TNR: variants seen among roughly 807,000 people sequenced by gnomAD.
TNR encodes tenascin R, also known as tenascin-R.
Under a neutral mutation model 150.4 loss-of-function variants are expected in TNR, and 45 were observed. The ratio of observed to expected loss-of-function variants is 0.30; its 90% CI spans 0.24 to 0.38. TNR has a LOEUF of 0.38. Among genes scored for constraint, TNR ranks in the 10% least tolerant of loss-of-function variants. The pLI is 1.00. For synonymous variants in TNR, 687 were observed against 678.4 expected, an observed-to-expected ratio of 1.01 and a Z score of -0.20; for missense variants, 1,544 against 1,759.1, an observed-to-expected ratio of 0.88 and a Z score of 2.19.
chr1:175,413,948 C>T (rs77887928), intron 2 of TNR, among the ~76,000 whole-genome samples: 3,856 of 152,192 alleles, frequency 0.025, 147 homozygotes, highest in African/African-American at 0.087. Context: ...GCCTGGGCAA[C>T]ATGGCGAAAC....
At chr1:175,417,181 G>A (rs774451966) in intron 2 of TNR, among the ~76,000 whole-genome samples, 4 of 152,284 alleles carry the variant, frequency 2.6e-5, no homozygotes, top group Middle Eastern at 6.8e-3. Context: ...CCATTTTTAT[G>A]TATTGAATTA....
intron 20 of TNR, among the ~76,000 whole-genome samples, chr1:175,333,119 G>A (rs1650031101): frequency 6.6e-6 from 1 of 152,078 alleles, no homozygotes; most frequent in Non-Finnish European, 1.5e-5. Flanking sequence ...CAACAGGCTT[G>A]GAGTCCCTGT....
intron 1 of TNR, among the ~76,000 whole-genome samples, chr1:175,554,253 A>C (rs868308544): frequency 6.6e-6 from 1 of 150,844 alleles, no homozygotes; most frequent in South Asian, 2.1e-4. Context: ...TGGCACTCCT[A>C]TCTCTAAACT....
At chr1:175,589,779 T>A (rs1035361306) in intron 1 of TNR, among the ~76,000 whole-genome samples, 9 of 151,638 alleles carry the variant, frequency 5.9e-5, no homozygotes, top group African/African-American at 2.2e-4. Context: ...TTCTCACTCA[T>A]AAGCGGGAGT....
chr1:175,342,745 GA>G (rs1488953326), intron 18 of TNR, among the ~76,000 whole-genome samples: 1 of 152,224 alleles, frequency 6.6e-6, no homozygotes, highest in Non-Finnish European at 1.5e-5. Flanking sequence ...AGTTCCGGAA[GA>G]AGGTCATCAG....
At chr1:175,740,810 G>C (rs1380156803) in intron 1 of TNR, among the ~76,000 whole-genome samples, 1 of 152,182 alleles carries the variant, frequency 6.6e-6, no homozygotes, top group Admixed American at 6.5e-5. Context: ...ACTCAATGAA[G>C]GTGGTCCCAG....
In TNR at chr1:175,365,914, G is replaced by A. The variant is rs757557295; in HGVS notation, c.2278C>T (p.Arg760Trp). 16 of 1,613,954 alleles carry A rather than the reference G, an allele frequency of 9.9e-6. No homozygotes were observed. The highest frequency in any genetic ancestry group is 1.7e-5 in the Admixed American group (1 of 59,998). ...ACAGTGGACTCCAAGCTCTGCTGCC[G>A]ACCCCTCTCAGCAGTGACGGAAATG... is the stretch of plus-strand genomic sequence containing the variant. ...YIISVTAERG[R>W]QQSLESTVDA... Residue 760 changes from arginine to tryptophan, a missense_variant, in exon 11 of 23, where the codon CGG (arginine) becomes TGG (tryptophan). Arg to Trp is a moderately radical substitution (Grantham distance 101). Around this residue, in one of 2 missense-constraint regions of TNR, gnomAD observed 1,254 missense variants for 1,329.4 expected, o/e 0.94. Coordinates refer to ENST00000367674, the MANE Select transcript of TNR (RefSeq NM_003285.3).
At chr1:175,653,643 T>C (rs1665071168) in intron 1 of TNR, among the ~76,000 whole-genome samples, 1 of 152,192 alleles carries the variant, frequency 6.6e-6, no homozygotes, top group African/African-American at 2.4e-5. Context: ...ACTTTCTGTA[T>C]CTTGAGTTTA....
At chr1:175,573,600 C>T (rs577688792) in intron 1 of TNR, among the ~76,000 whole-genome samples, 7 of 152,024 alleles carry the variant, frequency 4.6e-5, no homozygotes, top group South Asian at 4.1e-4. Flanking sequence ...GTGGGATTAA[C>T]GACTGTACAG....
At chr1:175,704,480 GGTAGATATTCT>G (rs1415601550) in intron 1 of TNR, among the ~76,000 whole-genome samples, 6 of 152,144 alleles carry the variant, frequency 3.9e-5, no homozygotes, top group Non-Finnish European at 7.4e-5. Context: ...AACAAAATTA[GGTAGATATTCT>G]GTGTGAAGTC....
At chr1:175,725,161 A>G (rs1667445088) in intron 1 of TNR, among the ~76,000 whole-genome samples, 1 of 152,202 alleles carries the variant, frequency 6.6e-6, no homozygotes, top group African/African-American at 2.4e-5. Context: ...GAAAAAAGCA[A>G]CAGGCCCCTT....
At chr1:175,338,224 C>G (rs775788658) in intron 18 of TNR, among the ~76,000 whole-genome samples, 1 of 152,198 alleles carries the variant, frequency 6.6e-6, no homozygotes, top group Admixed American at 6.5e-5. Flanking sequence ...GATGAATTAT[C>G]TATTCCTTGT....
intron 1 of TNR, among the ~76,000 whole-genome samples, chr1:175,635,802 A>G (rs73033344): frequency 0.023 from 3,539 of 152,292 alleles, 126 homozygotes; most frequent in African/African-American, 0.078. Flanking sequence ...CACAGATTAC[A>G]GAGAAGAGAG....
Position 175,322,059 on chromosome 1 carries a change from A to G in TNR, c.*1298T>C, listed in dbSNP as rs1159820860. On this transcript the variant is annotated 3_prime_UTR_variant, in exon 23 of 23. Coordinates refer to ENST00000367674, the MANE Select transcript of TNR (RefSeq NM_003285.3). ...GAATCTGTGACAAATAGGACCAGAA[A>G]TGGAGAAAACAGGGCTAGGGAAGAT... The G allele has an allele frequency of 6.6e-6, 1 of 152,238 alleles. No homozygotes were observed. The highest frequency in any genetic ancestry group is 1.5e-5 in the Non-Finnish European group (1 of 68,050). The allele number at this position is 152,238 out of a possible 1,614,324, so 9.4% of individuals were successfully genotyped here.
At chr1:175,563,144 T>A (rs1194246299) in intron 1 of TNR, among the ~76,000 whole-genome samples, 1 of 152,230 alleles carries the variant, frequency 6.6e-6, no homozygotes, top group African/African-American at 2.4e-5. Flanking sequence ...ACATCTGACA[T>A]GGTTCTCTCT....
chr1:175,472,316 G>C (rs1033189773), intron 2 of TNR, among the ~76,000 whole-genome samples: 3 of 152,096 alleles, frequency 2.0e-5, no homozygotes, highest in Admixed American at 6.5e-5. Context: ...GAATCCTCCT[G>C]AAGGACCGGC....
intron 2 of TNR, among the ~76,000 whole-genome samples, chr1:175,509,108 C>G (rs1400076849): frequency 4.6e-5 from 7 of 152,200 alleles, no homozygotes; most frequent in Non-Finnish European, 8.8e-5. Flanking sequence ...TTTCCTGTTT[C>G]CTAGCAGGAA....
intron 2 of TNR, among the ~76,000 whole-genome samples, chr1:175,488,182 T>G (rs1420721004): frequency 6.6e-6 from 1 of 152,102 alleles, no homozygotes; most frequent in African/African-American, 2.4e-5. Flanking sequence ...AGCCAGCAAA[T>G]GAGAGATCCA....
chr1:175,698,154 C>G (rs1297376269), intron 1 of TNR, among the ~76,000 whole-genome samples: 1 of 152,200 alleles, frequency 6.6e-6, no homozygotes, highest in Non-Finnish European at 1.5e-5. Context: ...GGCAGGGACA[C>G]TACCCTGGTG....
Sources: allele counts gnomAD v4.1 joint callset (sites outside exome capture counted in the v4.1 genomes callset), GRCh38; gene constraint gnomAD v4.1.1; regional missense constraint gnomAD v4.1.1; transcripts MANE v1.5; gene names NCBI Gene and HGNC (gene_info 2026-07-23, HGNC 2026-07-21).